MTMR8: variants seen among roughly 807,000 people sequenced by gnomAD.
MTMR8 encodes the protein myotubularin related protein 8.
In MTMR8, 65 loss-of-function variants were observed where a neutral mutation model predicts 39.3. The ratio of observed to expected loss-of-function variants is 1.65; its 90% CI spans 1.35 to 2.03. The LOEUF is 2.03. MTMR8 is among the 30% of genes most tolerant of loss of function. The pLI is 0.00. For missense variants in MTMR8, 777 were observed against 538.9 expected, an observed-to-expected ratio of 1.44 and a Z score of -4.37; for synonymous variants, 245 against 185.2, an observed-to-expected ratio of 1.32 and a Z score of -2.62.
At chrX:64,333,551 T>G (rs1406185529) in intron 10 of MTMR8, among the ~76,000 whole-genome samples, 1 of 111,967 alleles carries the variant, frequency 8.9e-6, no homozygotes. Context: ...TTGGCATATC[T>G]TCCACCTTAT....
chrX:64,276,814 A>T (rs748567879), intron 12 of MTMR8, among the ~76,000 whole-genome samples: 67 of 111,726 alleles, frequency 6.0e-4, no homozygotes, highest in African/African-American at 2.1e-3. Flanking sequence ...TCTAGAGCTG[A>T]GTTCAAGTCT....
chrX:64,308,320 A>ATTTTTTTT (rs778962275), intron 12 of MTMR8, among the ~76,000 whole-genome samples: 137 of 69,538 alleles, frequency 2.0e-3, no homozygotes, highest in African/African-American at 2.3e-3. Context: ...ACGGCTGGCT[A>ATTTTTTTT]TTTTTTTTTT....
At chrX:64,313,731 CT>C (rs1171140004) in intron 12 of MTMR8, among the ~76,000 whole-genome samples, 1 of 112,490 alleles carries the variant, frequency 8.9e-6, no homozygotes, top group Non-Finnish European at 1.9e-5. Flanking sequence ...ATCCAGAAGA[CT>C]GAAAAGATGG....
chrX:64,314,110 T>C (rs891539236), intron 12 of MTMR8, among the ~76,000 whole-genome samples: 3 of 112,489 alleles, frequency 2.7e-5, no homozygotes, highest in Non-Finnish European at 5.6e-5. Flanking sequence ...AAGCCTCTGC[T>C]TTGTTCTTTG....
intron 8 of MTMR8, among the ~76,000 whole-genome samples, chrX:64,337,840 G>A (rs535927128): frequency 9.0e-6 from 1 of 111,680 alleles, no homozygotes; most frequent in East Asian, 2.8e-4. Flanking sequence ...GTGCTTGCCT[G>A]TCTTAGGTCG....
intron 12 of MTMR8, among the ~76,000 whole-genome samples, chrX:64,302,365 A>G (rs1921920440): frequency 8.9e-6 from 1 of 112,506 alleles, no homozygotes; most frequent in Non-Finnish European, 1.9e-5. Context: ...TGATTCGGAA[A>G]GGGAACTCCC....
intron 8 of MTMR8, among the ~76,000 whole-genome samples, chrX:64,340,314 A>G (rs981862328): frequency 1.8e-5 from 2 of 112,243 alleles, no homozygotes; most frequent in Non-Finnish European, 3.8e-5. Context: ...GTAAGTGTAG[A>G]ATGTTTGATA....
chrX:64,312,472 G>C (rs1922341590), intron 12 of MTMR8, among the ~76,000 whole-genome samples: 2 of 112,030 alleles, frequency 1.8e-5, no homozygotes, highest in African/African-American at 6.5e-5. Flanking sequence ...TGGAAGTTCT[G>C]GCCAGGGCAA....
intron 12 of MTMR8, among the ~76,000 whole-genome samples, chrX:64,304,138 C>G (rs963832995): frequency 1.8e-5 from 2 of 111,716 alleles, no homozygotes; most frequent in Non-Finnish European, 3.8e-5. Context: ...TGAGAGTCAA[C>G]TAAAAAGAAA....
At position 64,374,527 on chromosome X, in the gene MTMR8, C is replaced by T. The variant is rs183387401; in HGVS notation, c.25-15000G>A. Among the ~76,000 whole-genome samples the T allele has an allele frequency of 1.5e-3, 169 of 111,613 alleles. 1 individual carries two copies. Among genetic ancestry groups the T allele is most frequent in the African/African-American group, 5.3e-3 (164 of 30,718 alleles). On this transcript the variant is annotated intron_variant, in intron 1 of 13. Coordinates refer to ENST00000374852, the MANE Select transcript of MTMR8 (RefSeq NM_017677.4). ...TCCTAAAGGACTAACAGAGTTAGTG[C>T]TCACAAATCAGGCAAGGAAGTACCA... is the stretch of plus-strand genomic sequence containing the variant.
chrX:64,366,598 T>C (rs1923965460), intron 1 of MTMR8, among the ~76,000 whole-genome samples: 1 of 111,955 alleles, frequency 8.9e-6, no homozygotes, highest in African/African-American at 3.2e-5. Flanking sequence ...CTGGGACACA[T>C]TTAAAGCAGT....
intron 1 of MTMR8, among the ~76,000 whole-genome samples, chrX:64,363,981 C>G (rs1417368933): frequency 8.9e-6 from 1 of 112,710 alleles, no homozygotes; most frequent in Non-Finnish European, 1.9e-5. Flanking sequence ...GAGCCTTGCT[C>G]ACTGCTAGCA....
intron 12 of MTMR8, among the ~76,000 whole-genome samples, chrX:64,302,140 C>T (rs1377118577): frequency 3.5e-5 from 4 of 112,803 alleles, no homozygotes; most frequent in Admixed American, 9.3e-5. Flanking sequence ...CAAGCCTGGG[C>T]AATGGCGGGC....
chrX:64,289,640 A>AAAAAAAAAAAAAAAAAAC (rs1921330523), intron 12 of MTMR8, among the ~76,000 whole-genome samples: 1 of 91,014 alleles, frequency 1.1e-5, no homozygotes, highest in African/African-American at 6.6e-5. Flanking sequence ...CCATCGCAAA[A>AAAAAAAAAAAAAAAAAAC]AAAAAAAAAA....
intron 1 of MTMR8, among the ~76,000 whole-genome samples, chrX:64,380,589 C>G (rs903830932): frequency 8.9e-6 from 1 of 112,225 alleles, no homozygotes; most frequent in African/African-American, 3.2e-5. Context: ...ATCCATTGAT[C>G]TGGAATTATT....
chrX:64,395,311 T>C (rs1431992119), intron 1 of MTMR8, 29 bp downstream of exon 1: 2 of 1,205,568 alleles, frequency 1.7e-6, no homozygotes, highest in African/African-American at 3.5e-5. Context: ...AGCTCGCGGC[T>C]GTCAGCCTCG....
intron 12 of MTMR8, among the ~76,000 whole-genome samples, chrX:64,303,033 A>T (rs897033777): frequency 9.8e-5 from 11 of 112,743 alleles, no homozygotes; most frequent in Non-Finnish European, 1.9e-4. Context: ...GATCACTTAA[A>T]GTTTGCTGTG....
intron 12 of MTMR8, among the ~76,000 whole-genome samples, chrX:64,324,123 G>C (rs888482877): frequency 8.9e-6 from 1 of 112,344 alleles, no homozygotes; most frequent in Non-Finnish European, 1.9e-5. Flanking sequence ...AGCACTTTTG[G>C]GGGGGCCAAA....
At position 64,341,725 on chromosome X, in the gene MTMR8, A is replaced by G. The variant is rs369813856; in HGVS notation, c.975+1886T>C. Reference sequence around the variant, plus strand: ...TCCACATGTAGTGGTACTGTATTAGACAGTACAGATACAGAATATTTCCAT... The same window carrying G: ...TCCACATGTAGTGGTACTGTATTAGGCAGTACAGATACAGAATATTTCCAT... On this transcript the variant is annotated intron_variant, in intron 8 of 13. Transcript: ENST00000374852. 4.5e-5 allele frequency among the ~76,000 whole-genome samples: 5 copies of G among 111,615 alleles called. No homozygotes were observed. The East Asian group carries it at 1.4e-3, about 31-fold the overall frequency.
Sources: gnomAD v4.1 joint callset for allele counts (sites outside exome capture counted in the v4.1 genomes callset) on GRCh38, gnomAD v4.1.1 for gene constraint, MANE v1.5 for transcripts, NCBI Gene and HGNC (gene_info 2026-07-23, HGNC 2026-07-21) for gene names.